The following RBFOX1 variants were observed in gnomAD, a reference collection of about 807,000 sequenced individuals.
RBFOX1 encodes the protein RNA binding protein fox-1 homolog 1.
A neutral mutation model predicts 57.7 loss-of-function variants in RBFOX1; 8 were observed. The observed-to-expected ratio is 0.14, with a 90% CI of 0.08 to 0.25. The LOEUF (loss-of-function observed/expected upper bound fraction) is 0.25, where lower values mean the gene tolerates loss of function less well. Ranked by LOEUF, RBFOX1 falls within the 10% of genes least tolerant of loss-of-function variation. The pLI is 1.00. For missense variants in RBFOX1, 611 were observed against 548.5 expected, an observed-to-expected ratio of 1.11 and a Z score of -1.14; for synonymous variants, 326 against 222.4, an observed-to-expected ratio of 1.47 and a Z score of -4.15.
intron 2 of RBFOX1, among the ~76,000 whole-genome samples, chr16:6,351,139 C>T (rs2086281490): frequency 6.6e-6 from 1 of 151,936 alleles, no homozygotes; most frequent in Non-Finnish European, 1.5e-5. Flanking sequence ...CCTGTCTTGA[C>T]CTGGGGAGGC....
chr16:7,625,458 C>T (rs78103779), intron 10 of RBFOX1, among the ~76,000 whole-genome samples: 2,997 of 152,238 alleles, frequency 0.02, 50 homozygotes, highest in South Asian at 0.094. Flanking sequence ...ATTAGAGGTA[C>T]AGACAGTGCA....
chr16:7,145,388 A>G (rs906127931), intron 4 of RBFOX1, among the ~76,000 whole-genome samples: 3 of 151,882 alleles, frequency 2.0e-5, no homozygotes, highest in Non-Finnish European at 2.9e-5. Flanking sequence ...TGTATTTTAA[A>G]TACAGACGGG....
chr16:6,619,146 T>C (rs563832955), intron 2 of RBFOX1, among the ~76,000 whole-genome samples: 2 of 150,548 alleles, frequency 1.3e-5, no homozygotes, highest in East Asian at 3.9e-4. Context: ...TACAGACCGC[T>C]GACATGTTCC....
chr16:5,355,143 C>G (rs929380246), intron 1 of RBFOX1, among the ~76,000 whole-genome samples: 1 of 152,032 alleles, frequency 6.6e-6, no homozygotes, highest in Admixed American at 6.6e-5. Flanking sequence ...AGAGGTGTGT[C>G]CTTCTTGGCT....
At chr16:5,967,979 T>A (rs1303403829) in intron 4 of RBFOX1, among the ~76,000 whole-genome samples, 1 of 152,232 alleles carries the variant, frequency 6.6e-6, no homozygotes. Context: ...TTATGACTAC[T>A]TTGCTTTATA....
At chr16:7,686,519 C>G (rs1251813327) in intron 14 of RBFOX1, among the ~76,000 whole-genome samples, 3 of 152,054 alleles carry the variant, frequency 2.0e-5, no homozygotes. Context: ...CAATTGCCTG[C>G]CCTCTTCTTT....
intron 4 of RBFOX1, among the ~76,000 whole-genome samples, chr16:5,918,177 T>C (rs987625830): frequency 3.9e-5 from 6 of 152,324 alleles, no homozygotes; most frequent in African/African-American, 1.4e-4. Context: ...TGGAATGCAG[T>C]GGCACAATCT....
chr16:5,250,147 A>G (rs1026031656), intron 1 of RBFOX1, among the ~76,000 whole-genome samples: 4 of 152,150 alleles, frequency 2.6e-5, no homozygotes, highest in Non-Finnish European at 5.9e-5. Flanking sequence ...AAAAAAGAAA[A>G]AAGAATTTAT....
intron 2 of RBFOX1, among the ~76,000 whole-genome samples, chr16:6,587,739 C>T (rs2097650224): frequency 6.6e-6 from 1 of 152,200 alleles, no homozygotes; most frequent in Admixed American, 6.5e-5. Flanking sequence ...CCTCTTTTTA[C>T]ATACAAACTT....
intron 1 of RBFOX1, among the ~76,000 whole-genome samples, chr16:5,417,633 C>G (rs187894532): frequency 1.7e-3 from 266 of 152,304 alleles, no homozygotes; most frequent in African/African-American, 6.2e-3. Flanking sequence ...ATACCCTTTG[C>G]AAGCCCTTTT....
At chr16:7,632,199 G>A (rs1272725401) in intron 11 of RBFOX1, among the ~76,000 whole-genome samples, 2 of 152,138 alleles carry the variant, frequency 1.3e-5, no homozygotes, top group East Asian at 1.9e-4. Context: ...GTGAGCCACT[G>A]CCCCTGGCCC....
chr16:6,798,773 A>G (rs1213377988), intron 3 of RBFOX1, among the ~76,000 whole-genome samples: 1 of 152,180 alleles, frequency 6.6e-6, no homozygotes, highest in African/African-American at 2.4e-5. Context: ...AGTAAAAGTA[A>G]AGTAGATTTA....
intron 4 of RBFOX1, among the ~76,000 whole-genome samples, chr16:5,953,445 G>T (rs2059559716): frequency 6.6e-6 from 1 of 152,014 alleles, no homozygotes; most frequent in Admixed American, 6.6e-5. Flanking sequence ...TATCACCTGA[G>T]CACTGTACGC....
In RBFOX1 at chr16:7,010,829, C is replaced by T. The variant is rs552307260; in HGVS notation, c.-15-41228C>T. ...ATCTACCCATCTCTGCCTCTGCCTC[C>T]GCCTCCCAAAGTGCTGGGATTATAG... On this transcript the variant is annotated intron_variant, in intron 3 of 15. Coordinates refer to ENST00000550418, the MANE Select transcript of RBFOX1 (RefSeq NM_018723.4). 8.0e-5 allele frequency among the ~76,000 whole-genome samples: 12 copies of T among 150,398 alleles called. No homozygotes were observed. In the South Asian group the frequency reaches 2.3e-3, roughly 29 times the overall value.
chr16:6,695,713 A>G (rs1020984882), intron 3 of RBFOX1, among the ~76,000 whole-genome samples: 1 of 152,218 alleles, frequency 6.6e-6, no homozygotes, highest in Non-Finnish European at 1.5e-5. Context: ...AATGACTGTC[A>G]CTTATTTTGG....
intron 3 of RBFOX1, among the ~76,000 whole-genome samples, chr16:5,847,404 A>G (rs1226923612): frequency 6.6e-6 from 1 of 152,110 alleles, no homozygotes; most frequent in Non-Finnish European, 1.5e-5. Context: ...TCCTGATTGC[A>G]TCAAAGGATT....
At chr16:6,769,577 A>C (rs1296611513) in intron 3 of RBFOX1, among the ~76,000 whole-genome samples, 1 of 152,220 alleles carries the variant, frequency 6.6e-6, no homozygotes, top group Non-Finnish European at 1.5e-5. Context: ...GACAATGCTG[A>C]AACAGCTTCA....
At chr16:7,237,141 C>G (rs1438979786) in intron 4 of RBFOX1, among the ~76,000 whole-genome samples, 10 of 152,170 alleles carry the variant, frequency 6.6e-5, no homozygotes, top group Admixed American at 6.5e-4. Context: ...GCCGCCAACC[C>G]AAATGTCATT....
At chr16:5,808,017 C>G (rs974840340) in intron 3 of RBFOX1, among the ~76,000 whole-genome samples, 1 of 152,222 alleles carries the variant, frequency 6.6e-6, no homozygotes, top group Admixed American at 6.5e-5. Context: ...ATCAGGCTTA[C>G]TCCTTCTATG....
Sources: allele counts gnomAD v4.1 joint callset (sites outside exome capture counted in the v4.1 genomes callset), GRCh38; gene constraint gnomAD v4.1.1; transcripts MANE v1.5; gene names NCBI Gene and HGNC (gene_info 2026-07-23, HGNC 2026-07-21).